The following CD72 variants were observed in gnomAD, a reference collection of about 807,000 sequenced individuals.
CD72 encodes the protein B-cell differentiation antigen CD72.
Under a neutral mutation model 50.7 loss-of-function variants are expected in CD72, and 28 were observed. The ratio of observed to expected loss-of-function variants is 0.55; its 90% CI spans 0.41 to 0.76. CD72 has a LOEUF of 0.76. Among genes scored for constraint, CD72 ranks in the 30% least tolerant of loss-of-function variants. CD72 has a pLI of 0.00. For synonymous variants in CD72, 176 were observed against 171.2 expected, an observed-to-expected ratio of 1.03 and a Z score of -0.22; for missense variants, 403 against 420.6, an observed-to-expected ratio of 0.96 and a Z score of 0.37.
At chr9:35,634,600 A>G (rs1823273436) in intron 1 of CD72, among the ~76,000 whole-genome samples, 1 of 152,070 alleles carries the variant, frequency 6.6e-6, no homozygotes, top group African/African-American at 2.4e-5. Flanking sequence ...TGATCCGCCC[A>G]CCTCGGCCTC....
intron 5 of CD72, among the ~76,000 whole-genome samples, chr9:35,613,961 C>T (rs542576563): frequency 6.6e-6 from 1 of 151,642 alleles, no homozygotes; most frequent in South Asian, 2.1e-4. Flanking sequence ...GCCCAGATCA[C>T]ACCACTGCAC....
intron 1 of CD72, 38 bp downstream of exon 1, chr9:35,618,184 G>C (rs930728673): frequency 1.2e-6 from 2 of 1,606,622 alleles, no homozygotes; most frequent in African/African-American, 2.7e-5. Context: ...GGCGGGAAGT[G>C]GGGATGCAGG....
intron 6 of CD72, among the ~76,000 whole-genome samples, chr9:35,612,419 T>A (rs1823000403): frequency 6.6e-6 from 1 of 152,132 alleles, no homozygotes; most frequent in Admixed American, 6.6e-5. Context: ...ACCCCGACTC[T>A]ATTAAAAATA....
upstream of CD72, chr9:35,618,827 A>T (rs1349226066): frequency 7.6e-5 from 95 of 1,244,392 alleles, no homozygotes; most frequent in Non-Finnish European, 1.0e-4. Flanking sequence ...GCTTCTCATC[A>T]TCCTGGGGGT....
chr9:35,637,864 C>T (rs1016003369), intron 1 of CD72, among the ~76,000 whole-genome samples: 11 of 152,248 alleles, frequency 7.2e-5, no homozygotes, highest in South Asian at 2.1e-4. Context: ...CCCCCTGCTC[C>T]GTGTCTCTAC....
At chr9:35,613,559 C>A (rs1823020365) in intron 5 of CD72, among the ~76,000 whole-genome samples, 1 of 152,154 alleles carries the variant, frequency 6.6e-6, no homozygotes, top group South Asian at 2.1e-4. Flanking sequence ...TCCCAGGCCA[C>A]CTCTCTCCAT....
At position 35,641,573 on chromosome 9, in the gene CD72, C is replaced by T. The variant is rs76562768; in HGVS notation, n.408+4830G>A. On this transcript the variant is annotated intron_variant and non_coding_transcript_variant, in intron 1 of 3. Transcript: ENST00000465754. ...GCAGGCATAAGTATTTTTCCTTCTTCGGTGGCTAGCCATCTTGAGGAGAGG... is the reference window on the plus strand; with the variant it reads ...GCAGGCATAAGTATTTTTCCTTCTTTGGTGGCTAGCCATCTTGAGGAGAGG... Among the ~76,000 whole-genome samples, 7 of 152,212 alleles carry T rather than the reference C, an allele frequency of 4.6e-5. No individual in the cohort carries two copies. The South Asian group carries it at 8.3e-4, about 18-fold the overall frequency.
intron 1 of CD72, among the ~76,000 whole-genome samples, chr9:35,645,827 C>T (rs1823387356): frequency 6.6e-6 from 1 of 151,796 alleles, no homozygotes; most frequent in Non-Finnish European, 1.5e-5. Flanking sequence ...GTGCCCTGGC[C>T]GGATGGCTTC....
chr9:35,640,914 T>G (rs1229367830), intron 1 of CD72, among the ~76,000 whole-genome samples: 1 of 152,242 alleles, frequency 6.6e-6, no homozygotes, highest in Non-Finnish European at 1.5e-5. Flanking sequence ...TTTCTTTACC[T>G]CCTGTTTTTG....
At chr9:35,642,209 T>A (rs1823346928) in intron 1 of CD72, among the ~76,000 whole-genome samples, 1 of 152,224 alleles carries the variant, frequency 6.6e-6, no homozygotes, top group African/African-American at 2.4e-5. Flanking sequence ...GTTTGAGCAA[T>A]TACTTGTTGA....
At chr9:35,628,596 A>G (rs1166636140) in intron 1 of CD72, among the ~76,000 whole-genome samples, 1 of 152,266 alleles carries the variant, frequency 6.6e-6, no homozygotes, top group African/African-American at 2.4e-5. Flanking sequence ...CTGGCTGCAC[A>G]TAAGCCCAGA....
chr9:35,631,270 AG>A (rs1447212091), intron 1 of CD72, among the ~76,000 whole-genome samples: 2 of 152,170 alleles, frequency 1.3e-5, no homozygotes, highest in African/African-American at 4.8e-5. Context: ...GCAGCAAAAA[AG>A]ATAATATTAT....
chr9:35,617,287 A>C (rs1182802109), intron 2 of CD72, 40 bp from the exon 3 acceptor site: 1 of 1,515,332 alleles, frequency 6.6e-7, no homozygotes, highest in Non-Finnish European at 8.9e-7. Flanking sequence ...GGAAGCCCCG[A>C]GTGTTGCCCC....
At chr9:35,618,756 C>A, upstream of CD72, 1 of 1,287,272 alleles carries the variant, frequency 7.8e-7, no homozygotes, top group Non-Finnish European at 1.0e-6. Flanking sequence ...ACGATCTCCC[C>A]AGCTCCAGGG....
At chr9:35,645,331 G>A (rs1208068221) in intron 1 of CD72, among the ~76,000 whole-genome samples, 1 of 152,166 alleles carries the variant, frequency 6.6e-6, no homozygotes, top group Non-Finnish European at 1.5e-5. Flanking sequence ...CAGGCGCTGT[G>A]GCTCACGCCT....
intron 1 of CD72, among the ~76,000 whole-genome samples, chr9:35,644,699 C>T (rs1163741245): frequency 1.3e-5 from 2 of 152,056 alleles, no homozygotes; most frequent in Non-Finnish European, 2.9e-5. Context: ...TTAACTCACA[C>T]GTTAAGTAGA....
rs1484215889 is a variant in CD72, at chr9:35,616,238, A to G, written c.393T>C (p.Val131=). 1 of 1,614,052 alleles carries G rather than the reference A, an allele frequency of 6.2e-7. No homozygotes were observed. Among genetic ancestry groups the G allele is most frequent in the Admixed American group, 1.7e-5 (1 of 60,014 alleles). Residue 131 remains valine, a synonymous_variant, in exon 5 of 9, where the codon GTT becomes GTC. Transcript: ENST00000259633. The part of the protein sequence containing the change: ...VSQQLQQTNR[V]LEVTNSSLRQ... ...TCAGGCTGCTGTTAGTGACTTCCAG[A>G]ACCCTGTTCGTCTGCTGGAGCTGCT...
rs565169594 is a variant in CD72, at chr9:35,617,979, C to A, written c.190+35G>T. 16 of 1,245,144 alleles carry A rather than the reference C, an allele frequency of 1.3e-5. No individual in the cohort carries two copies. The South Asian group carries it at 1.8e-4, about 14-fold the overall frequency. 77.1% of individuals were successfully genotyped at this position (1,245,144 alleles called of 1,614,324 possible). A position where few individuals can be genotyped will look rare whatever the true frequency, so the allele number is the denominator to read the frequency against. On this transcript the variant is annotated intron_variant, in intron 2 of 8. Transcript: ENST00000259633. ...GGACTCCCCAGCTCAAGACACAGCCCCCCAACAAACACACATCCCCCAGGC... is the reference window on the plus strand; with the variant it reads ...GGACTCCCCAGCTCAAGACACAGCCACCCAACAAACACACATCCCCCAGGC...
At position 35,618,115 on chromosome 9, in the gene CD72, C is replaced by T. The variant is rs150199723; in HGVS notation, c.89G>A (p.Gly30Glu). The T allele has an allele frequency of 2.0e-5, 33 of 1,613,510 alleles. No homozygotes were observed. The highest frequency in any genetic ancestry group is 6.8e-6 in the Non-Finnish European group (8 of 1,179,592). ...GGTGATTTCCCCATCATCATCAGCC[C>T]CTGGGTCTAGAGAGAAGAGAAAAGG... ...SISSRLGQDP[G>E]ADDDGEITYE... The change falls in exon 2 of 9, where the codon GGG (glycine) becomes GAG (glutamate). Residue 30 changes from glycine to glutamate, a missense_variant. By Grantham distance (98) the Gly-to-Glu change is moderately conservative. Coordinates refer to ENST00000259633, the MANE Select transcript of CD72 (RefSeq NM_001782.3).
Sources: allele counts gnomAD v4.1 joint callset (sites outside exome capture counted in the v4.1 genomes callset), GRCh38; gene constraint gnomAD v4.1.1; transcripts MANE v1.5; gene names NCBI Gene and HGNC (gene_info 2026-07-23, HGNC 2026-07-21).